ARHGAP42: variants seen among roughly 807,000 people sequenced by gnomAD.
ARHGAP42 encodes Rho GTPase activating protein 42, also known as rho GTPase-activating protein 42.
Under a neutral mutation model 125.0 loss-of-function variants are expected in ARHGAP42, and 63 were observed. That is an observed-to-expected ratio of 0.50 (90% confidence interval 0.41 to 0.62). The LOEUF (loss-of-function observed/expected upper bound fraction) is 0.62, where lower values mean the gene tolerates loss of function less well. Among genes scored for constraint, ARHGAP42 ranks in the 20% least tolerant of loss-of-function variants. The probability of loss-of-function intolerance (pLI) is 0.00; values close to 1 mark genes in which losing one functional copy is unlikely to be tolerated. For synonymous variants in ARHGAP42, 339 were observed against 351.0 expected, an observed-to-expected ratio of 0.97 and a Z score of 0.38; for missense variants, 766 against 1,024.2, an observed-to-expected ratio of 0.75 and a Z score of 3.44.
rs377010751 is a variant in ARHGAP42, at chr11:100,829,396, C to T, written c.313-30158C>T. Among the ~76,000 whole-genome samples the T allele has an allele frequency of 8.6e-5, 13 of 151,924 alleles. No homozygotes were observed. In the East Asian group the frequency reaches 2.5e-3, roughly 29 times the overall value. On this transcript the variant is annotated intron_variant, in intron 3 of 23. Coordinates refer to ENST00000298815, the MANE Select transcript of ARHGAP42 (RefSeq NM_152432.4). Reference sequence around the variant, plus strand: ...AAAAGACTTTCAAGACTTTCAAGAACCTCACCAGGTTAATTCTGCTATCAC... The same window carrying T: ...AAAAGACTTTCAAGACTTTCAAGAATCTCACCAGGTTAATTCTGCTATCAC...
At chr11:100,923,346 C>T (rs1057485374) in intron 6 of ARHGAP42, among the ~76,000 whole-genome samples, 1 of 152,204 alleles carries the variant, frequency 6.6e-6, no homozygotes, top group Non-Finnish European at 1.5e-5. Context: ...TGTATCTTCC[C>T]ATTTCCTTCA....
intron 5 of ARHGAP42, among the ~76,000 whole-genome samples, chr11:100,916,434 C>A (rs576825664): frequency 6.6e-6 from 1 of 152,004 alleles, no homozygotes; most frequent in South Asian, 2.1e-4. Flanking sequence ...GTAAACACTT[C>A]AATGGAAAAA....
intron 3 of ARHGAP42, among the ~76,000 whole-genome samples, chr11:100,796,404 T>C (rs1384701739): frequency 6.6e-6 from 1 of 152,212 alleles, no homozygotes; most frequent in Non-Finnish European, 1.5e-5. Flanking sequence ...TATATTGAAA[T>C]TAGGCCAACT....
rs1313144709 is a variant in ARHGAP42 at position 100,752,449 on chromosome 11, C to A, written c.155-17894C>A. 2.0e-5 allele frequency among the ~76,000 whole-genome samples: 3 copies of A among 152,198 alleles called. No homozygotes were observed. In the East Asian group the frequency reaches 5.8e-4, roughly 29 times the overall value. On this transcript the variant is annotated intron_variant, in intron 1 of 23. Coordinates refer to ENST00000298815, the MANE Select transcript of ARHGAP42 (RefSeq NM_152432.4). ...AGATCTGGGACTCAAGGCTTGCCAT[C>A]TGGATTCTTTTGTACTACTGGCTGT...
At chr11:100,950,269 T>C (rs1462830618) in intron 12 of ARHGAP42, among the ~76,000 whole-genome samples, 1 of 137,908 alleles carries the variant, frequency 7.3e-6, no homozygotes, top group Non-Finnish European at 1.6e-5. Flanking sequence ...AATTATATTA[T>C]ATTTTTATTA....
intron 4 of ARHGAP42, among the ~76,000 whole-genome samples, chr11:100,888,960 C>T (rs923631990): frequency 3.9e-5 from 6 of 152,182 alleles, no homozygotes; most frequent in Non-Finnish European, 8.8e-5. Flanking sequence ...CTCGGAGTTC[C>T]AAAGCATCTT....
rs531842412 is a variant in ARHGAP42, at chr11:100,920,554, C to T, written c.487-940C>T. On this transcript the variant is annotated intron_variant, in intron 5 of 23. Coordinates refer to ENST00000298815, the MANE Select transcript of ARHGAP42 (RefSeq NM_152432.4). The stretch of plus-strand genomic sequence containing the variant: ...TCTTTCCATCTGCTTTTGTAATACC[C>T]AACTGGCGACAAGGAAGGTAGAGGT... Among the ~76,000 whole-genome samples the T allele has an allele frequency of 2.6e-5, 4 of 152,144 alleles. No individual in the cohort carries two copies. The South Asian group carries it at 8.3e-4, about 32-fold the overall frequency.
intron 11 of ARHGAP42, among the ~76,000 whole-genome samples, chr11:100,949,421 T>A (rs1269970730): frequency 6.6e-6 from 1 of 152,150 alleles, no homozygotes; most frequent in East Asian, 1.9e-4. Flanking sequence ...TTATTATATT[T>A]TACACAAATG....
chr11:100,729,294 A>C (rs1265938123), intron 1 of ARHGAP42, among the ~76,000 whole-genome samples: 3 of 151,964 alleles, frequency 2.0e-5, no homozygotes, highest in African/African-American at 7.2e-5. Flanking sequence ...TGATTTTAAG[A>C]AATTATACAA....
intron 3 of ARHGAP42, among the ~76,000 whole-genome samples, chr11:100,808,920 C>A (rs1864071182): frequency 6.6e-6 from 1 of 152,156 alleles, no homozygotes; most frequent in South Asian, 2.1e-4. Context: ...GGGTTCTTAT[C>A]AAGATGCTAT....
chr11:100,715,165 A>C (rs1861637693), intron 1 of ARHGAP42, among the ~76,000 whole-genome samples: 1 of 152,004 alleles, frequency 6.6e-6, no homozygotes, highest in Admixed American at 6.6e-5. Context: ...GAATAAGGGT[A>C]ACTTTCTGTC....
chr11:100,712,421 G>GA (rs1297849813), intron 1 of ARHGAP42, among the ~76,000 whole-genome samples: 1 of 152,058 alleles, frequency 6.6e-6, no homozygotes, highest in East Asian at 1.9e-4. Context: ...GTTATTATAT[G>GA]AAAAAAATTG....
intron 3 of ARHGAP42, among the ~76,000 whole-genome samples, chr11:100,812,364 C>T (rs1325702024): frequency 6.6e-6 from 1 of 152,200 alleles, no homozygotes; most frequent in African/African-American, 2.4e-5. Flanking sequence ...TTATTAATCT[C>T]TTTCTCTGGG....
intron 4 of ARHGAP42, among the ~76,000 whole-genome samples, chr11:100,897,595 T>G (rs538787926): frequency 6.6e-6 from 1 of 152,302 alleles, no homozygotes; most frequent in East Asian, 1.9e-4. Flanking sequence ...TTATTCTCTT[T>G]GAAGCAATTG....
At chr11:100,942,101 C>A (rs374487570) in intron 9 of ARHGAP42, among the ~76,000 whole-genome samples, 1 of 152,046 alleles carries the variant, frequency 6.6e-6, no homozygotes, top group Non-Finnish European at 1.5e-5. Context: ...TATAAGCAGT[C>A]GAGTTAAATG....
intron 1 of ARHGAP42, among the ~76,000 whole-genome samples, chr11:100,716,817 T>C (rs746295245): frequency 3.9e-5 from 6 of 152,186 alleles, no homozygotes; most frequent in Non-Finnish European, 8.8e-5. Context: ...AATTAAAAAC[T>C]ATCTTTAGGT....
At chr11:100,699,433 A>G (rs999407142) in intron 1 of ARHGAP42, among the ~76,000 whole-genome samples, 2 of 145,256 alleles carry the variant, frequency 1.4e-5, no homozygotes, top group African/African-American at 5.0e-5. Context: ...TTATATATAG[A>G]GAGATTAATG....
intron 3 of ARHGAP42, among the ~76,000 whole-genome samples, chr11:100,820,143 G>C (rs1864370683): frequency 6.6e-6 from 1 of 152,106 alleles, no homozygotes; most frequent in South Asian, 2.1e-4. Context: ...TACTAATGGA[G>C]TGTGATTGTA....
chr11:100,886,710 G>T (rs1015617770), intron 4 of ARHGAP42, among the ~76,000 whole-genome samples: 7 of 152,120 alleles, frequency 4.6e-5, no homozygotes, highest in African/African-American at 1.7e-4. Context: ...GTTCATCAGT[G>T]CATCTCTCTA....
Sources: allele counts gnomAD v4.1 joint callset (sites outside exome capture counted in the v4.1 genomes callset), GRCh38; gene constraint gnomAD v4.1.1; transcripts MANE v1.5; gene names NCBI Gene and HGNC (gene_info 2026-07-23, HGNC 2026-07-21).